The following USP20 variants were observed in gnomAD, a reference collection of about 807,000 sequenced individuals.
The protein encoded by USP20 is ubiquitin carboxyl-terminal hydrolase 20.
In USP20, 80 loss-of-function variants were observed where a neutral mutation model predicts 124.2. The ratio of observed to expected loss-of-function variants is 0.64; its 90% confidence interval spans 0.54 to 0.78. USP20 has a LOEUF of 0.78. Ranked by LOEUF, USP20 falls within the 30% of genes least tolerant of loss-of-function variation. The pLI, the probability that USP20 is intolerant of heterozygous loss-of-function variation, is 0.00. For missense variants in USP20, 1,043 were observed against 1,244.4 expected (o/e 0.84, Z 2.44); for synonymous variants, 481 against 512.3 (o/e 0.94, Z 0.83).
chr9:129,840,292 G>A (rs967302482), intron 1 of USP20, among the ~76,000 whole-genome samples: 10 of 152,136 alleles, frequency 6.6e-5, no homozygotes, highest in East Asian at 1.9e-4. Flanking sequence ...CAACCTGCTC[G>A]CTTCCTGCTG....
In USP20 at chr9:129,839,745, G is replaced by A. The variant is rs532527088; in HGVS notation, c.-129+4246G>A. 1.4e-4 allele frequency among the ~76,000 whole-genome samples: 22 copies of A among 152,132 alleles called. No individual in the cohort carries two copies. In the South Asian group the frequency reaches 2.1e-3, roughly 14 times the overall value. ...CCCCATCCTGAGGGACTGGTTCCTCGCTGGGAGGAGGAGGATGTAGCCAGA... is the reference window on the plus strand; with the variant it reads ...CCCCATCCTGAGGGACTGGTTCCTCACTGGGAGGAGGAGGATGTAGCCAGA... On this transcript the variant is annotated intron_variant, in intron 1 of 25. Coordinates refer to ENST00000372429, the MANE Select transcript of USP20 (RefSeq NM_001110303.4). The surrounding 1 kb of genome is among the most constrained non-coding windows in gnomAD (Gnocchi z 4.5).
At chr9:129,852,351 C>T (rs1244633704) in intron 2 of USP20, among the ~76,000 whole-genome samples, 189 bp from the exon 3 acceptor site, 2 of 152,224 alleles carry the variant, frequency 1.3e-5, no homozygotes, top group Non-Finnish European at 2.9e-5. Flanking sequence ...GAGCGACCCA[C>T]TGGGGCAACT....
At position 129,839,600 on chromosome 9, in the gene USP20, AG is replaced by A. The variant is rs1297483909; in HGVS notation, c.-129+4106del. On this transcript the variant is annotated intron_variant, in intron 1 of 25. Coordinates refer to ENST00000372429, the MANE Select transcript of USP20 (RefSeq NM_001110303.4). This position sits in a 1 kb window ranked among gnomAD's most constrained non-coding sequence, Gnocchi z 4.5. The stretch of plus-strand genomic sequence containing the variant: ...GTGCGAGGGCCAGAGGGGACTGTGG[AG>A]GGGGTGGGCACACACCCTGTGCGGG... 6.7e-6 allele frequency among the ~76,000 whole-genome samples: 1 copy of A among 149,286 alleles called. No homozygotes were observed. The highest frequency in any genetic ancestry group is 2.5e-5 in the African/African-American group (1 of 40,206).
intron 15 of USP20, among the ~76,000 whole-genome samples, chr9:129,873,275 G>A (rs187810192): frequency 1.3e-5 from 2 of 151,840 alleles, no homozygotes; most frequent in African/African-American, 2.4e-5. Flanking sequence ...GTAGAGATGG[G>A]GTTTCGCCAT....
rs1300790479 is a variant in USP20 at position 129,839,351 on chromosome 9, G to A, written c.-129+3852G>A. Among the ~76,000 whole-genome samples, 2 of 152,186 alleles carry A rather than the reference G, an allele frequency of 1.3e-5. No individual in the cohort carries two copies. Among genetic ancestry groups the A allele is most frequent in the Non-Finnish European group, 2.9e-5 (2 of 68,042 alleles). On this transcript the variant is annotated intron_variant, in intron 1 of 25. Transcript: ENST00000372429. This position sits in a 1 kb window ranked among gnomAD's most constrained non-coding sequence, Gnocchi z 4.5. The stretch of plus-strand genomic sequence containing the variant: ...AGTGTCAGTTCCAATATTCAGGGCC[G>A]TGGGGCAGGGGGAAGGGCGATGAGG...
At chr9:129,875,501 G>A (rs1352698738) in intron 20 of USP20, 22 bp downstream of exon 20, 1 of 1,612,466 alleles carries the variant, frequency 6.2e-7, no homozygotes, top group Non-Finnish European at 8.5e-7. Context: ...CCTGTGGTGG[G>A]AGAGCAGGGT....
At position 129,869,074 on chromosome 9, in the gene USP20, A is replaced by G. The variant is rs567701499; in HGVS notation, c.1276+72A>G. 39 of 1,506,724 alleles carry G rather than the reference A, an allele frequency of 2.6e-5. No homozygotes were observed. The African/African-American group carries it at 3.9e-4, about 15-fold the overall frequency. 93.3% of individuals were successfully genotyped at this position (1,506,724 alleles called of 1,614,324 possible). Reference sequence around the variant, plus strand: ...GATTACGCCCGTAGCTGCCTTTCTCATGGCCCCCTGTGGCGGAGGGCCGGG... The same window carrying G: ...GATTACGCCCGTAGCTGCCTTTCTCGTGGCCCCCTGTGGCGGAGGGCCGGG... On this transcript the variant is annotated intron_variant, in intron 12 of 25. Coordinates refer to ENST00000372429, the MANE Select transcript of USP20 (RefSeq NM_001110303.4).
chr9:129,837,036 A>T (rs2031895186), intron 1 of USP20, among the ~76,000 whole-genome samples: 1 of 152,222 alleles, frequency 6.6e-6, no homozygotes, highest in Admixed American at 6.5e-5. Context: ...CAGGGTACAG[A>T]TGAGCTGCTC....
chr9:129,858,107 G>T lies in USP20; in HGVS notation c.193G>T (p.Ala65Ser), dbSNP rs1178958674. ...CTTTGCTGACCACAGCACCATTCAT[G>T]CACAGGTGAGTGTGGTGGCTGAGAG... ...ESFADHSTIH[A>S]QAKKHNLTVN... The change falls in exon 5 of 26, where the codon GCA (alanine) becomes TCA (serine). Residue 65 changes from alanine (A) to serine (S), a missense_variant. Transcript: ENST00000372429. 24 of 1,613,832 alleles carry T rather than the reference G, an allele frequency of 1.5e-5. No homozygotes were observed. The highest frequency in any genetic ancestry group is 1.9e-5 in the Non-Finnish European group (22 of 1,180,012).
Position 129,878,423 on chromosome 9 carries a change from T to A in USP20, c.2495T>A (p.Val832Asp), listed in dbSNP as rs1324469629. The A allele has an allele frequency of 1.2e-6, 2 of 1,609,352 alleles. No homozygotes were observed. The highest frequency in any genetic ancestry group is 8.5e-7 in the Non-Finnish European group (1 of 1,177,502). ...MQWFREWEAF[V>D]KGKDNEPPGP... ...TGGTTCCGGGAGTGGGAGGCGTTCG[T>A]CAAGGGGAAGGACAACGGTGAGCTG... The change falls in exon 23 of 26, where the codon GTC becomes GAC. Residue 832 changes from valine to aspartate, a missense_variant. By Grantham distance (152) the Val-to-Asp change is radical. Coordinates refer to ENST00000372429, the MANE Select transcript of USP20 (RefSeq NM_001110303.4).
Position 129,873,417 on chromosome 9 carries a change from C to T in USP20, c.1661-65C>T, listed in dbSNP as rs2034227915. Reference sequence around the variant, plus strand: ...TTTCTTAAGCAGAAATCATTATAGTCACTTTTTTTTGCTCCCTCATTTTGC... The same window carrying T: ...TTTCTTAAGCAGAAATCATTATAGTTACTTTTTTTTGCTCCCTCATTTTGC... On this transcript the variant is annotated intron_variant, in intron 15 of 25. Coordinates refer to ENST00000372429, the MANE Select transcript of USP20 (RefSeq NM_001110303.4). 15 of 1,582,640 alleles carry T rather than the reference C, an allele frequency of 9.5e-6. No individual in the cohort carries two copies. The South Asian group carries it at 1.2e-4, about 13-fold the overall frequency.
chr9:129,864,555 C>T (rs1003308612), intron 9 of USP20, among the ~76,000 whole-genome samples: 29 of 151,122 alleles, frequency 1.9e-4, no homozygotes, highest in African/African-American at 6.8e-4. Flanking sequence ...GCGGGTGGAT[C>T]GCAAGGTCAG....
At chr9:129,867,234 C>T (rs907532746) in intron 10 of USP20, among the ~76,000 whole-genome samples, 3 of 152,188 alleles carry the variant, frequency 2.0e-5, no homozygotes, top group African/African-American at 7.2e-5. Flanking sequence ...CCTCCCAGTG[C>T]ACCCCCTGTG....
intron 4 of USP20, 25 bp from the exon 5 acceptor site, chr9:129,858,025 C>T: frequency 6.2e-7 from 1 of 1,608,372 alleles, no homozygotes; most frequent in Non-Finnish European, 8.5e-7. Flanking sequence ...AAGCTCCAGT[C>T]CACTCTCCTT....
Position 129,879,357 on chromosome 9 carries a change from G to A in USP20, c.2513-216G>A, listed in dbSNP as rs1006288370. ...CCATCCACCGCAGCTCCTGCGGCCAGCACAGAGTCTGAGACCATCTCGTGT... is the reference window on the plus strand; with the variant it reads ...CCATCCACCGCAGCTCCTGCGGCCAACACAGAGTCTGAGACCATCTCGTGT... On this transcript the variant is annotated intron_variant, in intron 23 of 25. Transcript: ENST00000372429. This position sits in a 1 kb window ranked among gnomAD's most constrained non-coding sequence, Gnocchi z 4.2. 8 of 557,662 alleles carry A rather than the reference G, an allele frequency of 1.4e-5. No individual in the cohort carries two copies. Among genetic ancestry groups the A allele is most frequent in the Non-Finnish European group, 2.6e-5 (8 of 312,450 alleles). The allele number at this position is 557,662 out of a possible 1,614,324, so 34.5% of individuals were successfully genotyped here.
rs768855900 is a variant in USP20 at position 129,869,423 on chromosome 9, C to A, written c.1390C>A (p.Arg464=). The A allele has an allele frequency of 4.3e-6, 7 of 1,613,240 alleles. No individual in the cohort carries two copies. Among genetic ancestry groups the A allele is most frequent in the Non-Finnish European group, 5.9e-6 (7 of 1,179,760 alleles). ...LSLVQCLTCD[R]VSTTVETFQD... Reference sequence around the variant, plus strand: ...CCTTGTGCAGTGTCTCACCTGTGACCGGGTGGGTGCCCCAGGGATGGGGGG... The same window carrying A: ...CCTTGTGCAGTGTCTCACCTGTGACAGGGTGGGTGCCCCAGGGATGGGGGG... The change falls in exon 13 of 26, where the codon CGG becomes AGG. Residue 464 remains arginine (R), a splice_region_variant and synonymous_variant. Coordinates refer to ENST00000372429, the MANE Select transcript of USP20 (RefSeq NM_001110303.4).
Position 129,859,255 on chromosome 9 carries a change from A to AT in USP20, c.330+660dup. Among the ~76,000 whole-genome samples the AT allele has an allele frequency of 7.2e-5, 5 of 69,388 alleles. 2 individuals are homozygous for AT. The highest frequency in any genetic ancestry group is 1.6e-4 in the Non-Finnish European group (5 of 31,022). The allele number at this position is 69,388 out of a possible 152,430, so 45.5% of individuals were successfully genotyped here. On this transcript the variant is annotated intron_variant, in intron 6 of 25. Transcript: ENST00000372429. ...CAGCATCTGCATGGCTCTCTCCTCC[A>AT]TTTATTTTATTTTATTTTATTTTAT...
intron 17 of USP20, among the ~76,000 whole-genome samples, chr9:129,874,336 G>A (rs555936069): frequency 3.3e-5 from 5 of 152,268 alleles, no homozygotes; most frequent in Admixed American, 6.5e-5. Flanking sequence ...AGGTAGTGCC[G>A]ACAGAACTGG....
Position 129,869,713 on chromosome 9 carries a change from C to T in USP20, c.1434C>T (p.Pro478=). The stretch of plus-strand genomic sequence containing the variant: ...AAACGTTCCAGGACTTATCACTGCC[C>T]ATTCCTGGAAAGGAGGACCTGGCCA... The part of the protein sequence containing the change: ...TVETFQDLSL[P]IPGKEDLAKL... The change falls in exon 14 of 26, where the codon CCC becomes CCT. Residue 478 remains proline, a synonymous_variant. Coordinates refer to ENST00000372429, the MANE Select transcript of USP20 (RefSeq NM_001110303.4). The T allele has an allele frequency of 3.7e-6, 6 of 1,614,124 alleles. No homozygotes were observed. The highest frequency in any genetic ancestry group is 5.1e-6 in the Non-Finnish European group (6 of 1,180,030).
Sources: gnomAD v4.1 joint callset for allele counts (sites outside exome capture counted in the v4.1 genomes callset) on GRCh38, gnomAD v4.1.1 for gene constraint, Gnocchi (gnomAD v3.1) non-coding constraint, MANE v1.5 for transcripts, NCBI Gene and HGNC (gene_info 2026-07-23, HGNC 2026-07-21) for gene names.